Variants in AGBL4 observed in about 807,000 individuals in gnomAD.
The protein encoded by AGBL4 is cytosolic carboxypeptidase 6.
A neutral mutation model predicts 66.4 loss-of-function variants in AGBL4; 58 were observed. That is an observed-to-expected ratio of 0.87 (90% CI 0.71 to 1.09). The LOEUF (loss-of-function observed/expected upper bound fraction) is 1.09. AGBL4 is among the 50% of genes least tolerant of loss of function. The probability of loss-of-function intolerance (pLI) is 0.00; values close to 1 mark genes in which losing one functional copy is unlikely to be tolerated. For missense variants in AGBL4, 579 were observed against 631.0 expected (o/e 0.92, Z 0.88); for synonymous variants, 234 against 222.9 (o/e 1.05, Z -0.44).
chr1:48,933,665 A>G (rs1655219586), intron 5 of AGBL4, among the ~76,000 whole-genome samples: 1 of 152,188 alleles, frequency 6.6e-6, no homozygotes, highest in South Asian at 2.1e-4. Flanking sequence ...GTTTCCAGCC[A>G]TTAAATGGAG....
At chr1:49,338,513 C>T (rs1429848816) in intron 3 of AGBL4, among the ~76,000 whole-genome samples, 1 of 152,244 alleles carries the variant, frequency 6.6e-6, no homozygotes, top group African/African-American at 2.4e-5. Flanking sequence ...TTATTCATCT[C>T]TACATATTTG....
intron 1 of AGBL4, among the ~76,000 whole-genome samples, chr1:49,948,695 C>G (rs910385567): frequency 6.7e-6 from 1 of 149,848 alleles, no homozygotes; most frequent in Non-Finnish European, 1.5e-5. Context: ...ATAGATGACA[C>G]AAACAAATGG....
intron 3 of AGBL4, among the ~76,000 whole-genome samples, chr1:49,587,582 T>A (rs1239627776): frequency 6.6e-6 from 1 of 152,222 alleles, no homozygotes. Context: ...TGGAACCCTG[T>A]ATGCAAAAGG....
chr1:49,461,467 C>T (rs1051611905), intron 3 of AGBL4, among the ~76,000 whole-genome samples: 2 of 150,028 alleles, frequency 1.3e-5, no homozygotes, highest in East Asian at 2.0e-4. Flanking sequence ...TTTATTTATG[C>T]GATCTATTTC....
chr1:49,810,235 G>C (rs913209753), intron 2 of AGBL4, among the ~76,000 whole-genome samples: 2 of 152,148 alleles, frequency 1.3e-5, no homozygotes, highest in East Asian at 3.9e-4. Flanking sequence ...TGGGACTCCA[G>C]AGTGCCCTTA....
At chr1:49,496,769 G>A (rs989332190) in intron 3 of AGBL4, among the ~76,000 whole-genome samples, 6 of 144,848 alleles carry the variant, frequency 4.1e-5, no homozygotes, top group African/African-American at 1.0e-4. Context: ...TTCATTCATC[G>A]GCTGATAGAT....
At chr1:48,960,904 T>G (rs1201653004) in intron 5 of AGBL4, among the ~76,000 whole-genome samples, 1 of 152,254 alleles carries the variant, frequency 6.6e-6, no homozygotes, top group African/African-American at 2.4e-5. Flanking sequence ...TACTTTACTG[T>G]TCAACTATCT....
chr1:49,446,472 C>A (rs1646158832), intron 3 of AGBL4, among the ~76,000 whole-genome samples: 1 of 152,076 alleles, frequency 6.6e-6, no homozygotes, highest in African/African-American at 2.4e-5. Flanking sequence ...TTAGTGCTTT[C>A]TGTGATTTTC....
chr1:49,739,853 G>A (rs1009473527), intron 2 of AGBL4, among the ~76,000 whole-genome samples: 1 of 151,350 alleles, frequency 6.6e-6, no homozygotes, highest in Admixed American at 6.6e-5. Flanking sequence ...AGCAAATGCT[G>A]AGAGATTTTG....
intron 6 of AGBL4, among the ~76,000 whole-genome samples, chr1:48,750,516 C>T (rs958223405): frequency 6.6e-6 from 1 of 152,180 alleles, no homozygotes; most frequent in Non-Finnish European, 1.5e-5. Context: ...TATCCTTTCC[C>T]AACATCCTGA....
At chr1:48,809,511 AGAAG>A (rs1469225313) in intron 6 of AGBL4, among the ~76,000 whole-genome samples, 2 of 152,208 alleles carry the variant, frequency 1.3e-5, no homozygotes, top group Non-Finnish European at 2.9e-5. Flanking sequence ...GACATCATGT[AGAAG>A]TGGATAGCAC....
chr1:49,706,259 C>T (rs1647217002), intron 2 of AGBL4, among the ~76,000 whole-genome samples: 1 of 152,140 alleles, frequency 6.6e-6, no homozygotes, highest in Non-Finnish European at 1.5e-5. Context: ...GATCTGACTT[C>T]TTCCTGGTTT....
At chr1:48,946,698 C>A (rs1031548894) in intron 5 of AGBL4, among the ~76,000 whole-genome samples, 1 of 152,184 alleles carries the variant, frequency 6.6e-6, no homozygotes, top group Non-Finnish European at 1.5e-5. Context: ...AAATGACACT[C>A]ATTCTGTCCA....
intron 4 of AGBL4, among the ~76,000 whole-genome samples, chr1:49,197,636 G>T (rs1186530076): frequency 6.6e-6 from 1 of 152,116 alleles, no homozygotes; most frequent in African/African-American, 2.4e-5. Flanking sequence ...GATGCAGTGG[G>T]GCTCAATCAC....
rs192349965 is a variant in AGBL4, at chr1:49,582,635, C to T, written c.282+114678G>A. On this transcript the variant is annotated intron_variant, in intron 3 of 13. Transcript: ENST00000371839. ...CAAGCATCACTTCCAAAAGCCACAA[C>T]CTGACTAAGGCCAATAGTTTCCAAA... Among the ~76,000 whole-genome samples, 145 of 152,332 alleles carry T rather than the reference C, an allele frequency of 9.5e-4. 1 individual carries two copies. The Middle Eastern group carries it at 0.01, about 11-fold the overall frequency.
chr1:49,011,030 G>T (rs1662359153), intron 5 of AGBL4, among the ~76,000 whole-genome samples: 1 of 151,566 alleles, frequency 6.6e-6, no homozygotes, highest in South Asian at 2.1e-4. Context: ...ATTGACAAAT[G>T]GGATCTAATT....
Position 49,446,593 on chromosome 1 carries a change from G to C in AGBL4, c.283-200729C>G, listed in dbSNP as rs147422655. On this transcript the variant is annotated intron_variant, in intron 3 of 13. Transcript: ENST00000371839. ...CCCAGTTGTGGCATCAGTTGGCTAA[G>C]CATACCTATCTTTATGTCCCAGGGT... Among the ~76,000 whole-genome samples the C allele has an allele frequency of 6.6e-5, 10 of 152,296 alleles. No individual in the cohort carries two copies. The East Asian group carries it at 1.9e-3, about 29-fold the overall frequency.
rs139245607 is a variant in AGBL4 at position 49,309,611 on chromosome 1, C to CGT, written c.283-63749_283-63748dup. On this transcript the variant is annotated intron_variant, in intron 3 of 13. Transcript: ENST00000371839. ...TGTTTTAATGGTCCTATTATAACAT[C>CGT]GTGTGTGTGTGTGTGTGTGCATGTG... 3.3e-3 allele frequency among the ~76,000 whole-genome samples: 496 copies of CGT among 148,798 alleles called. 2 individuals carry two copies. Among genetic ancestry groups the CGT allele is most frequent in the African/African-American group, 7.2e-3 (293 of 40,838 alleles).
chr1:49,847,309 A>G (rs1646174172), intron 2 of AGBL4, among the ~76,000 whole-genome samples: 1 of 152,180 alleles, frequency 6.6e-6, no homozygotes, highest in South Asian at 2.1e-4. Context: ...TAAAAATACT[A>G]TAAGAAAAAC....
Sources: allele counts gnomAD v4.1 joint callset (sites outside exome capture counted in the v4.1 genomes callset), GRCh38; gene constraint gnomAD v4.1.1; transcripts MANE v1.5; gene names NCBI Gene and HGNC (gene_info 2026-07-23, HGNC 2026-07-21).